Variants in MAPDA observed in about 807,000 individuals in gnomAD.
MAPDA encodes the protein N6-Methyl-AMP deaminase.
chr15:43,347,289 G>A, the MAPDA span, among the ~76,000 whole-genome samples: 2 of 152,166 alleles, frequency 1.3e-5, no homozygotes, highest in African/African-American at 4.8e-5. Flanking sequence ...ATCCTTTTGT[G>A]GTTCCTGGGA....
the MAPDA span, chr15:43,335,091 A>G: frequency 6.2e-7 from 1 of 1,613,152 alleles, no homozygotes; most frequent in Non-Finnish European, 8.5e-7. Flanking sequence ...GAGAAGAATC[A>G]TTTTTTTCCT....
the MAPDA span, chr15:43,340,190 C>A: frequency 3.2e-6 from 4 of 1,262,786 alleles, no homozygotes; most frequent in Non-Finnish European, 4.5e-6. Flanking sequence ...TAAAATAAAG[C>A]TGTAGCACTT....
the MAPDA span, chr15:43,335,287 C>A: frequency 9.1e-7 from 1 of 1,095,772 alleles, no homozygotes; most frequent in Non-Finnish European, 1.3e-6. Flanking sequence ...GAAATTCTGG[C>A]GCTTTGGGAG....
At chr15:43,350,103 C>G in the MAPDA span, among the ~76,000 whole-genome samples, 1 of 152,070 alleles carries the variant, frequency 6.6e-6, no homozygotes, top group Admixed American at 6.6e-5. Context: ...CGGAGTCGCT[C>G]TGTCACCCAG....
At chr15:43,345,884 C>A in the MAPDA span, 2 of 1,614,174 alleles carry the variant, frequency 1.2e-6, no homozygotes, top group South Asian at 2.2e-5. Flanking sequence ...GAAGAGGTGG[C>A]CCTTTAGTAG....
chr15:43,341,671 C>T, the MAPDA span, among the ~76,000 whole-genome samples: 1 of 151,800 alleles, frequency 6.6e-6, no homozygotes, highest in Non-Finnish European at 1.5e-5. Flanking sequence ...AGACCCCCCC[C>T]ACCTCTATGG....
the MAPDA span, among the ~76,000 whole-genome samples, chr15:43,349,744 T>G: frequency 6.6e-6 from 1 of 152,254 alleles, no homozygotes; most frequent in Admixed American, 6.5e-5. Flanking sequence ...TACCAATTTA[T>G]AAAAATGCTT....
the MAPDA span, among the ~76,000 whole-genome samples, chr15:43,334,661 A>ATATATATATATATATATATATATATG: frequency 8.5e-6 from 1 of 117,106 alleles, no homozygotes; most frequent in African/African-American, 3.3e-5. Context: ...ATATATATAT[A>ATATATATATATATATATATATATATG]TATTTTATCC....
chr15:43,350,830 A>T, the MAPDA span: 46 of 876,624 alleles, frequency 5.2e-5, no homozygotes, highest in African/African-American at 6.3e-4. Flanking sequence ...AAACTAATAA[A>T]CTACTTTAAA....
At chr15:43,343,093 T>C in the MAPDA span, 3 of 1,500,490 alleles carry the variant, frequency 2.0e-6, no homozygotes, top group East Asian at 2.4e-5. Context: ...GATTGTACCT[T>C]AGTAGTTAAC....
chr15:43,351,577 T>A, the MAPDA span: 2 of 606,012 alleles, frequency 3.3e-6, no homozygotes, highest in Non-Finnish European at 5.6e-6. Context: ...GTATCTTTTC[T>A]TAAGTATAAA....
chr15:43,350,042 G>A, the MAPDA span, among the ~76,000 whole-genome samples: 1 of 152,066 alleles, frequency 6.6e-6, no homozygotes, highest in African/African-American at 2.4e-5. Context: ...ATATTTCCAG[G>A]AAGGAATTTG....
chr15:43,335,887 AAGT>A, the MAPDA span: 1 of 1,567,332 alleles, frequency 6.4e-7, no homozygotes, highest in East Asian at 2.3e-5. Context: ...TTGAGATTGT[AAGT>A]AGTATGTAAG....
At chr15:43,336,132 C>T in the MAPDA span, among the ~76,000 whole-genome samples, 1 of 152,182 alleles carries the variant, frequency 6.6e-6, no homozygotes, top group Non-Finnish European at 1.5e-5. Context: ...GCCTTGACCT[C>T]TGGGGCTCAA....
At chr15:43,348,867 T>C in the MAPDA span, 1 of 1,598,380 alleles carries the variant, frequency 6.3e-7, no homozygotes, top group Non-Finnish European at 8.5e-7. Context: ...TAAGAACCAC[T>C]GAAAGAGGCC....
the MAPDA span, chr15:43,351,652 A>C: frequency 2.6e-6 from 3 of 1,155,026 alleles, no homozygotes; most frequent in Non-Finnish European, 3.6e-6. Flanking sequence ...CTCTTGAAAG[A>C]AGCATAGTAA....
At chr15:43,344,670 G>T in the MAPDA span, among the ~76,000 whole-genome samples, 1 of 152,186 alleles carries the variant, frequency 6.6e-6, no homozygotes, top group East Asian at 1.9e-4. Flanking sequence ...TTAGCCAGGT[G>T]TGGTGGCAGG....
At chr15:43,343,564 C>T in the MAPDA span, among the ~76,000 whole-genome samples, 10 of 152,292 alleles carry the variant, frequency 6.6e-5, no homozygotes, top group East Asian at 1.7e-3. Flanking sequence ...GTTACTTCCT[C>T]AGAGGGGCCT....
chr15:43,334,589 G>A, the MAPDA span, among the ~76,000 whole-genome samples: 1 of 144,766 alleles, frequency 6.9e-6, no homozygotes, highest in Non-Finnish European at 1.5e-5. Flanking sequence ...GACCATGCCA[G>A]TGTACTCCAG....
Sources: allele counts gnomAD v4.1 joint callset (sites outside exome capture counted in the v4.1 genomes callset), GRCh38; gene constraint gnomAD v4.1.1; transcripts MANE v1.5; gene names NCBI Gene and HGNC (gene_info 2026-07-23, HGNC 2026-07-21).